Variants in NUAK1 observed in about 807,000 individuals in gnomAD.
NUAK1 encodes the protein NUAK family kinase 1.
A neutral mutation model predicts 56.9 loss-of-function variants in NUAK1; 26 were observed. That is an observed-to-expected ratio of 0.46 (90% CI 0.33 to 0.63). NUAK1 has a LOEUF of 0.63. Among genes scored for constraint, NUAK1 ranks in the 30% least tolerant of loss-of-function variants. NUAK1 has a pLI of 0.02. For synonymous variants in NUAK1, 337 were observed against 336.0 expected (o/e 1.00, Z -0.03); for missense variants, 727 against 876.1 (o/e 0.83, Z 2.15).
At position 106,095,407 on chromosome 12, in the gene NUAK1, T is replaced by C. The variant is rs542962081; in HGVS notation, c.362-8522A>G. Among the ~76,000 whole-genome samples the C allele has an allele frequency of 2.0e-5, 3 of 152,260 alleles. No homozygotes were observed. The East Asian group carries it at 5.8e-4, about 29-fold the overall frequency. The stretch of plus-strand genomic sequence containing the variant: ...GAGGGCTTTGGCACAGGGATTCATC[T>C]CACCATCACCACCTCACCAAGGTGG... On this transcript the variant is annotated intron_variant, in intron 2 of 6. Transcript: ENST00000261402.
At chr12:106,068,112 C>T (rs1018869197) in intron 6 of NUAK1, among the ~76,000 whole-genome samples, 157 bp from the exon 7 acceptor site, 1 of 152,210 alleles carries the variant, frequency 6.6e-6, no homozygotes, top group African/African-American at 2.4e-5. Context: ...GAAGCCCCAG[C>T]CTTTCAGATC....
chr12:106,129,173 A>T (rs2033053328), intron 1 of NUAK1, among the ~76,000 whole-genome samples: 1 of 152,102 alleles, frequency 6.6e-6, no homozygotes, highest in South Asian at 2.1e-4. Flanking sequence ...GGCTTGAGCC[A>T]CCTCTCCAGC....
At chr12:106,097,186 C>T (rs1194003550) in intron 2 of NUAK1, among the ~76,000 whole-genome samples, 1 of 152,202 alleles carries the variant, frequency 6.6e-6, no homozygotes, top group Admixed American at 6.5e-5. Context: ...AAGGAAACAG[C>T]CTCAGAGAGC....
chr12:106,120,834 T>C (rs1328552481), intron 1 of NUAK1, among the ~76,000 whole-genome samples: 1 of 152,126 alleles, frequency 6.6e-6, no homozygotes, highest in East Asian at 1.9e-4. Context: ...AGGAGGGGGC[T>C]CACCTTCCTG....
chr12:106,127,212 T>C (rs1365861869), intron 1 of NUAK1, among the ~76,000 whole-genome samples: 1 of 152,230 alleles, frequency 6.6e-6, no homozygotes, highest in Non-Finnish European at 1.5e-5. Context: ...TTGCCCAGGC[T>C]GGAGTGCAGT....
intron 5 of NUAK1, among the ~76,000 whole-genome samples, chr12:106,072,375 G>C (rs192638127): frequency 6.6e-6 from 1 of 152,124 alleles, no homozygotes; most frequent in Non-Finnish European, 1.5e-5. Context: ...ATATACATAC[G>C]TGTGTCACAT....
At chr12:106,077,684 C>A (rs2032478047) in intron 4 of NUAK1, among the ~76,000 whole-genome samples, 1 of 152,192 alleles carries the variant, frequency 6.6e-6, no homozygotes, top group African/African-American at 2.4e-5. Flanking sequence ...GCCCACGGAC[C>A]AGCAGCATTA....
intron 1 of NUAK1, among the ~76,000 whole-genome samples, chr12:106,113,722 A>T (rs553614188): frequency 6.6e-6 from 1 of 150,564 alleles, no homozygotes; most frequent in East Asian, 1.9e-4. Context: ...TTATACACAG[A>T]GGAATTAAAC....
At position 106,067,170 on chromosome 12, in the gene NUAK1, G is replaced by A. The variant is rs774783456; in HGVS notation, c.1618C>T (p.Leu540=). ...AGTGTGGGCATTTCAGGGCTGACCAGGGCTGGGTCCATGGTGCCCGCTGAG... is the reference window on the plus strand; with the variant it reads ...AGTGTGGGCATTTCAGGGCTGACCAAGGCTGGGTCCATGGTGCCCGCTGAG... ...KYSAGTMDPA[L]VSPEMPTLES... is the part of the protein sequence containing the mutation. The change falls in exon 7 of 7, where the codon CTG becomes TTG. Residue 540 remains leucine (L), a synonymous_variant. Coordinates refer to ENST00000261402, the MANE Select transcript of NUAK1 (RefSeq NM_014840.3). The surrounding 1 kb of genome is among the most constrained non-coding windows in gnomAD (Gnocchi z 6.0). 11 of 1,614,078 alleles carry A rather than the reference G, an allele frequency of 6.8e-6. No homozygotes were observed. The East Asian group carries it at 1.6e-4, about 23-fold the overall frequency.
At position 106,074,736 on chromosome 12, in the gene NUAK1, G is replaced by A. The variant is rs79324638; in HGVS notation, c.580-1893C>T. 6.3e-3 allele frequency among the ~76,000 whole-genome samples: 957 copies of A among 152,158 alleles called. 10 individuals carry two copies. The highest frequency in any genetic ancestry group is 0.022 in the African/African-American group (915 of 41,500). On this transcript the variant is annotated intron_variant, in intron 4 of 6. Transcript: ENST00000261402. ...CTGAATACCACCGAGGCTCTGTGGTGGTCACAGCCCCTAGAAGCAGCCTAT... is the reference window on the plus strand; with the variant it reads ...CTGAATACCACCGAGGCTCTGTGGTAGTCACAGCCCCTAGAAGCAGCCTAT...
intron 1 of NUAK1, among the ~76,000 whole-genome samples, chr12:106,115,936 T>C (rs898279228): frequency 1.3e-5 from 2 of 152,178 alleles, no homozygotes; most frequent in African/African-American, 4.8e-5. Context: ...GCCAGGATCC[T>C]CCACATCCTG....
chr12:106,098,705 C>T (rs764868159), intron 2 of NUAK1, among the ~76,000 whole-genome samples: 4 of 152,064 alleles, frequency 2.6e-5, no homozygotes, highest in South Asian at 2.1e-4. Flanking sequence ...TTTTATATGC[C>T]GGACTGTTAC....
chr12:106,104,744 C>T (rs1031266684), intron 2 of NUAK1, among the ~76,000 whole-genome samples: 4 of 151,862 alleles, frequency 2.6e-5, no homozygotes, highest in African/African-American at 9.7e-5. Flanking sequence ...TTCAAATGAC[C>T]AGGATAAAAG....
chr12:106,106,157 C>A, intron 2 of NUAK1: 1 of 322,216 alleles, frequency 3.1e-6, no homozygotes, highest in Non-Finnish European at 5.6e-6. Flanking sequence ...TGCTTAGCAA[C>A]TGCCAAGGAA....
chr12:106,091,726 T>A (rs1294598086), intron 2 of NUAK1, among the ~76,000 whole-genome samples: 1 of 152,174 alleles, frequency 6.6e-6, no homozygotes. Flanking sequence ...CCTGTGAAAT[T>A]GTCTGGGGCT....
In NUAK1 at chr12:106,124,273, A is replaced by G. The variant is rs571205631; in HGVS notation, c.240+14141T>C. Among the ~76,000 whole-genome samples the G allele has an allele frequency of 5.3e-5, 8 of 152,346 alleles. 1 individual carries two copies. Among genetic ancestry groups the G allele is most frequent in the African/African-American group, 1.9e-4 (8 of 41,574 alleles). On this transcript the variant is annotated intron_variant, in intron 1 of 6. Transcript: ENST00000261402. ...CAACTGTTCTTGCCTTTATAAAGAC[A>G]GTATTTTTCCTGGAAAATGGGATTT... is the stretch of plus-strand genomic sequence containing the variant.
chr12:106,091,170 A>T (rs1292187532), intron 2 of NUAK1, among the ~76,000 whole-genome samples: 1 of 152,230 alleles, frequency 6.6e-6, no homozygotes. Flanking sequence ...GTCACTAAGC[A>T]AAAGCTTATT....
chr12:106,117,707 T>C (rs1220509117), intron 1 of NUAK1, among the ~76,000 whole-genome samples: 2 of 152,272 alleles, frequency 1.3e-5, no homozygotes, highest in African/African-American at 4.8e-5. Context: ...TGCACAAAGG[T>C]GCAGGAAGTC....
intron 2 of NUAK1, 74 bp downstream of exon 2, chr12:106,106,331 C>G (rs931376593): frequency 7.2e-7 from 1 of 1,384,698 alleles, no homozygotes. Flanking sequence ...GCAATTATCT[C>G]AAAGTCTTGG....
Sources: allele counts gnomAD v4.1 joint callset (sites outside exome capture counted in the v4.1 genomes callset), GRCh38; gene constraint gnomAD v4.1.1; non-coding constraint Gnocchi (gnomAD v3.1); transcripts MANE v1.5; gene names NCBI Gene and HGNC (gene_info 2026-07-23, HGNC 2026-07-21).